Variants in DIAPH1 observed in about 807,000 individuals in gnomAD.
The protein encoded by DIAPH1 is protein diaphanous homolog 1.
Under a neutral mutation model 140.7 loss-of-function variants are expected in DIAPH1, and 46 were observed. The observed-to-expected ratio is 0.33, with a 90% CI of 0.26 to 0.42. DIAPH1 has a LOEUF of 0.42. Among genes scored for constraint, DIAPH1 ranks in the 10% least tolerant of loss-of-function variants. The pLI, the probability that DIAPH1 is intolerant of heterozygous loss-of-function variation, is 1.00. For missense variants in DIAPH1, 1,310 were observed against 1,558.7 expected, an observed-to-expected ratio of 0.84 and a Z score of 2.69; for synonymous variants, 565 against 551.6, an observed-to-expected ratio of 1.02 and a Z score of -0.34.
intron 20 of DIAPH1, 115 bp from the exon 21 acceptor site, chr5:141,529,388 A>G: frequency 1.0e-6 from 1 of 985,462 alleles, no homozygotes; most frequent in Non-Finnish European, 1.6e-6. Flanking sequence ...ACAGAAAGAA[A>G]CATATGGTGG....
chr5:141,609,217 C>T (rs1420587098), intron 1 of DIAPH1, among the ~76,000 whole-genome samples: 2 of 147,450 alleles, frequency 1.4e-5, no homozygotes, highest in Non-Finnish European at 1.5e-5. Context: ...CTTTTTACAT[C>T]TAAGCCTAGT....
Position 141,577,558 on chromosome 5 carries a change from G to A in DIAPH1, c.1197C>T (p.Asn399=), listed in dbSNP as rs2099896142. ...GCTCTGCCTTTGAATCCTTCACTGT[G>A]TTTAAGAGAATCTGAAAGACTTCAT... The part of the protein sequence containing the change: ...DFNEVFQILL[N]TVKDSKAEPH... The change falls in exon 12 of 28, where the codon AAC becomes AAT. Residue 399 remains asparagine (N), a synonymous_variant. Coordinates refer to ENST00000389054, the MANE Select transcript of DIAPH1 (RefSeq NM_005219.5). 1.2e-6 allele frequency: 2 copies of A among 1,613,344 alleles called. No individual in the cohort carries two copies. The highest frequency in any genetic ancestry group is 8.5e-7 in the Non-Finnish European group (1 of 1,179,274).
chr5:141,546,076 T>A (rs1160579033), intron 18 of DIAPH1, among the ~76,000 whole-genome samples: 1 of 152,132 alleles, frequency 6.6e-6, no homozygotes, highest in Non-Finnish European at 1.5e-5. Context: ...CAAGATGGTA[T>A]AAAGTAAAAC....
chr5:141,556,164 A>G (rs1223891939), intron 18 of DIAPH1, among the ~76,000 whole-genome samples: 1 of 152,190 alleles, frequency 6.6e-6, no homozygotes, highest in Non-Finnish European at 1.5e-5. Flanking sequence ...AGGACTAGCG[A>G]TATTATAATC....
chr5:141,526,982 G>T (rs576875697), intron 24 of DIAPH1, among the ~76,000 whole-genome samples: 1 of 152,144 alleles, frequency 6.6e-6, no homozygotes, highest in African/African-American at 2.4e-5. Context: ...CAAGACATAT[G>T]TGCAAAACAC....
intron 18 of DIAPH1, chr5:141,536,009 T>A: frequency 2.1e-6 from 1 of 468,686 alleles, no homozygotes; most frequent in Admixed American, 2.4e-5. Flanking sequence ...ATAAAACACA[T>A]TCACTCTTGG....
intron 1 of DIAPH1, among the ~76,000 whole-genome samples, chr5:141,608,382 C>T (rs1596410782): frequency 6.6e-6 from 1 of 152,354 alleles, no homozygotes; most frequent in East Asian, 1.9e-4. Flanking sequence ...GATTTTGAAA[C>T]TTAGGCCTTC....
At chr5:141,618,715 G>T in intron 1 of DIAPH1, 83 bp downstream of exon 1, 1 of 1,015,940 alleles carries the variant, frequency 9.8e-7, no homozygotes, top group Non-Finnish European at 1.5e-6. Context: ...CCCCAAAGCC[G>T]GGCAGGCGCC....
In DIAPH1 at chr5:141,595,589, T is replaced by TC. The variant is rs530218050; in HGVS notation, c.118-7340dup. Reference sequence around the variant, plus strand: ...TATGGTTTTGTAAGCATCTGGCATTTCCCCCGCTTGCACTCACTCTGTCCT... The same window carrying TC: ...TATGGTTTTGTAAGCATCTGGCATTTCCCCCCGCTTGCACTCACTCTGTCCT... On this transcript the variant is annotated intron_variant, in intron 1 of 27. Coordinates refer to ENST00000389054, the MANE Select transcript of DIAPH1 (RefSeq NM_005219.5). Among the ~76,000 whole-genome samples the TC allele has an allele frequency of 7.9e-5, 12 of 152,170 alleles. No homozygotes were observed. In the South Asian group the frequency reaches 2.3e-3, roughly 29 times the overall value.
At chr5:141,532,274 T>C (rs2154595068) in intron 19 of DIAPH1, among the ~76,000 whole-genome samples, 1 of 152,262 alleles carries the variant, frequency 6.6e-6, no homozygotes, top group East Asian at 1.9e-4. Context: ...TGGGCTCAAG[T>C]GATCCTTCTG....
chr5:141,517,677 CG>C (rs556930233), intron 27 of DIAPH1, among the ~76,000 whole-genome samples: 2 of 148,270 alleles, frequency 1.3e-5, no homozygotes, highest in Non-Finnish European at 3.0e-5. Context: ...GGTGGCATGG[CG>C]GGGGGGAGGT....
chr5:141,545,254 A>G (rs569926425), intron 18 of DIAPH1, among the ~76,000 whole-genome samples: 1 of 152,356 alleles, frequency 6.6e-6, no homozygotes, highest in Non-Finnish European at 1.5e-5. Context: ...TGTACACATA[A>G]AAAGGGTGAA....
At chr5:141,584,619 A>C (rs2099897251) in intron 3 of DIAPH1, among the ~76,000 whole-genome samples, 1 of 152,200 alleles carries the variant, frequency 6.6e-6, no homozygotes, top group Non-Finnish European at 1.5e-5. Flanking sequence ...CAACAGCAAC[A>C]AACTCTGCAC....
At chr5:141,593,128 C>T (rs1315955271) in intron 1 of DIAPH1, among the ~76,000 whole-genome samples, 1 of 152,138 alleles carries the variant, frequency 6.6e-6, no homozygotes, top group Admixed American at 6.5e-5. Context: ...ACCCATTACA[C>T]TTTAAGGATC....
chr5:141,599,561 C>T (rs907022479), intron 1 of DIAPH1, among the ~76,000 whole-genome samples: 5 of 152,194 alleles, frequency 3.3e-5, no homozygotes, highest in African/African-American at 9.6e-5. Context: ...AGTGATTCTC[C>T]TGCCTCAGCC....
At chr5:141,561,434 G>A (rs1344762334) in intron 18 of DIAPH1, among the ~76,000 whole-genome samples, 4 of 150,720 alleles carry the variant, frequency 2.7e-5, no homozygotes, top group African/African-American at 4.9e-5. Context: ...AAAGGATACT[G>A]TTACTTGCTT....
Position 141,618,881 on chromosome 5 carries a change from G to A in DIAPH1, c.34C>T (p.Arg12Cys). The A allele has an allele frequency of 6.6e-7, 1 of 1,520,252 alleles. No homozygotes were observed. Among genetic ancestry groups the A allele is most frequent in the Non-Finnish European group, 8.8e-7 (1 of 1,133,804 alleles). 94.2% of individuals were successfully genotyped at this position (1,520,252 alleles called of 1,614,324 possible). A position where few individuals can be genotyped will look rare whatever the true frequency, so the allele number is the denominator to read the frequency against. The change falls in exon 1 of 28, where the codon CGC (arginine) becomes TGC (cysteine). Residue 12 changes from arginine (R) to cysteine (C), a missense_variant. This residue lies in a region of DIAPH1 where 377 missense variants were observed against 497.1 expected (regional missense o/e 0.76). Coordinates refer to ENST00000389054, the MANE Select transcript of DIAPH1 (RefSeq NM_005219.5). ...CCCTTCTTCTTGTCCCGGGTCCCGC[G>A]GCCGGGCCCCAGGCTCCCGCCGGGC... The part of the protein sequence containing the change: ...EPPGGSLGPG[R>C]GTRDKKKGRS...
At chr5:141,550,559 C>T (rs2099891532) in intron 18 of DIAPH1, 1 of 154,342 alleles carries the variant, frequency 6.5e-6, no homozygotes, top group African/African-American at 2.4e-5. Context: ...GAACTCTCAC[C>T]CCAGCCCAAG....
chr5:141,596,518 C>T (rs1017800890), intron 1 of DIAPH1, among the ~76,000 whole-genome samples: 6 of 151,826 alleles, frequency 4.0e-5, no homozygotes, highest in East Asian at 1.9e-4. Context: ...AAAAATTTAG[C>T]GTCTCAGTTG....
Sources: gnomAD v4.1 joint callset for allele counts (sites outside exome capture counted in the v4.1 genomes callset) on GRCh38, gnomAD v4.1.1 for gene constraint, gnomAD v4.1.1 regional missense constraint, MANE v1.5 for transcripts, NCBI Gene and HGNC (gene_info 2026-07-23, HGNC 2026-07-21) for gene names.